Variants in DRC9 observed in about 807,000 individuals in gnomAD.
The protein encoded by DRC9 is dynein regulatory complex protein 9.
At chr3:197,927,144 A>G in the DRC9 span, among the ~76,000 whole-genome samples, 43 of 152,360 alleles carry the variant, frequency 2.8e-4, no homozygotes, top group African/African-American at 1.0e-3. Context: ...CAATACCAGA[A>G]TAAACAAAAC....
chr3:197,942,907 A>AG, the DRC9 span, among the ~76,000 whole-genome samples: 1 of 152,098 alleles, frequency 6.6e-6, no homozygotes, highest in East Asian at 1.9e-4. Flanking sequence ...AAAAAAAAAA[A>AG]AAAAGTATCT....
the DRC9 span, chr3:197,958,687 T>G: frequency 6.6e-6 from 1 of 152,206 alleles, no homozygotes; most frequent in African/African-American, 2.4e-5. Context: ...TTAACTCGAG[T>G]AACTTACATG....
At chr3:197,910,496 C>G in the DRC9 span, among the ~76,000 whole-genome samples, 1 of 152,234 alleles carries the variant, frequency 6.6e-6, no homozygotes, top group East Asian at 1.9e-4. Flanking sequence ...GGCTACAGAA[C>G]CCTAATTCTA....
At chr3:197,943,623 A>G in the DRC9 span, 10,576 of 702,434 alleles carry the variant, frequency 0.015, 162 homozygotes, top group Non-Finnish European at 0.018. Flanking sequence ...TAGGCCACAG[A>G]GCGAGACCCT....
chr3:197,948,174 C>T, the DRC9 span, among the ~76,000 whole-genome samples: 4 of 152,014 alleles, frequency 2.6e-5, no homozygotes, highest in Admixed American at 1.3e-4. Context: ...CTCAAGTGAT[C>T]CACCCACCTC....
At chr3:197,904,146 A>G in the DRC9 span, among the ~76,000 whole-genome samples, 1 of 148,274 alleles carries the variant, frequency 6.7e-6, no homozygotes, top group Admixed American at 6.9e-5. Flanking sequence ...CTGAATAGGC[A>G]TTTCTGAAAA....
At chr3:197,940,569 C>A in the DRC9 span, among the ~76,000 whole-genome samples, 1 of 151,982 alleles carries the variant, frequency 6.6e-6, no homozygotes, top group Non-Finnish European at 1.5e-5. Flanking sequence ...AGGGAAAATG[C>A]TAATCTTTCC....
chr3:197,933,585 C>T, the DRC9 span, among the ~76,000 whole-genome samples: 9 of 151,924 alleles, frequency 5.9e-5, no homozygotes, highest in South Asian at 6.3e-4. Context: ...TATTTATGTA[C>T]GTAACACCAA....
At chr3:197,946,157 C>T in the DRC9 span, among the ~76,000 whole-genome samples, 10 of 151,914 alleles carry the variant, frequency 6.6e-5, no homozygotes, top group East Asian at 1.2e-3. Flanking sequence ...TAATTGGGGC[C>T]GGGCGCGGGG....
the DRC9 span, chr3:197,957,163 T>G: frequency 1.3e-5 from 2 of 152,192 alleles, no homozygotes; most frequent in Non-Finnish European, 2.9e-5. Flanking sequence ...GAAGGAAAGT[T>G]TTTGTAGTAA....
the DRC9 span, chr3:197,959,932 T>C: frequency 1.7e-5 from 8 of 469,306 alleles, no homozygotes; most frequent in South Asian, 2.4e-4. Flanking sequence ...GCATGTCACT[T>C]TGGTAAATGA....
chr3:197,931,769 C>T, the DRC9 span, among the ~76,000 whole-genome samples: 34 of 151,944 alleles, frequency 2.2e-4, no homozygotes, highest in African/African-American at 7.0e-4. Context: ...GGACTACAGG[C>T]GCCCGCCACC....
At chr3:197,952,933 T>C in the DRC9 span, among the ~76,000 whole-genome samples, 2 of 152,048 alleles carry the variant, frequency 1.3e-5, no homozygotes, top group African/African-American at 4.8e-5. Context: ...CCCCAGTAGC[T>C]GGGATTACAG....
At chr3:197,952,029 A>G in the DRC9 span, among the ~76,000 whole-genome samples, 3 of 152,204 alleles carry the variant, frequency 2.0e-5, no homozygotes, top group African/African-American at 7.2e-5. Flanking sequence ...CTTGTAAGCA[A>G]TAAAGGAGGT....
the DRC9 span, among the ~76,000 whole-genome samples, chr3:197,919,509 G>A: frequency 3.3e-5 from 5 of 152,322 alleles, no homozygotes; most frequent in Middle Eastern, 3.4e-3. Context: ...TCAGGTCCAT[G>A]GACTGATGCA....
chr3:197,946,965 G>A, the DRC9 span, among the ~76,000 whole-genome samples: 1 of 152,034 alleles, frequency 6.6e-6, no homozygotes, highest in Non-Finnish European at 1.5e-5. Context: ...TGGGATTACA[G>A]GCTCACACCA....
At chr3:197,947,695 T>A in the DRC9 span, among the ~76,000 whole-genome samples, 1 of 152,064 alleles carries the variant, frequency 6.6e-6, no homozygotes, top group South Asian at 2.1e-4. Flanking sequence ...CCGTATGGAG[T>A]ATATCCAGGG....
the DRC9 span, among the ~76,000 whole-genome samples, chr3:197,932,839 T>TGTTATATATATAATATAC: frequency 7.7e-5 from 7 of 90,336 alleles, no homozygotes; most frequent in East Asian, 2.1e-3. Context: ...TTTATATATG[T>TGTTATATATATAATATAC]ATTATATATA....
At chr3:197,947,242 A>C in the DRC9 span, among the ~76,000 whole-genome samples, 2 of 152,138 alleles carry the variant, frequency 1.3e-5, no homozygotes, top group African/African-American at 4.8e-5. Flanking sequence ...TTAATTTTTA[A>C]ATTTTTTTTT....
Sources: gnomAD v4.1 joint callset for allele counts (sites outside exome capture counted in the v4.1 genomes callset) on GRCh38, gnomAD v4.1.1 for gene constraint, MANE v1.5 for transcripts, NCBI Gene and HGNC (gene_info 2026-07-23, HGNC 2026-07-21) for gene names.